PTPRN2: variants seen among roughly 807,000 people sequenced by gnomAD.
PTPRN2 encodes receptor-type tyrosine-protein phosphatase N2.
Under a neutral mutation model 118.8 loss-of-function variants are expected in PTPRN2, and 74 were observed. That is an observed-to-expected ratio of 0.62 (90% CI 0.52 to 0.76). PTPRN2 has a LOEUF of 0.76. PTPRN2 is among the 30% of genes least tolerant of loss of function. The pLI is 0.00. For synonymous variants in PTPRN2, 641 were observed against 608.0 expected (o/e 1.05, Z -0.80); for missense variants, 1,481 against 1,394.4 (o/e 1.06, Z -0.99).
rs192073401 is a variant in PTPRN2 at position 158,446,357 on chromosome 7, C to T, written c.163+43378G>A. Among the ~76,000 whole-genome samples the T allele has an allele frequency of 1.2e-4, 18 of 152,354 alleles. No individual in the cohort carries two copies. The East Asian group carries it at 3.5e-3, about 29-fold the overall frequency. On this transcript the variant is annotated intron_variant, in intron 2 of 22. Transcript: ENST00000389418. ...ATATTTTAATGTGGAAATTCCCAGG[C>T]CAGTATGAGGTGTTGCTGTGGTCGG...
intron 4 of PTPRN2, among the ~76,000 whole-genome samples, chr7:158,196,463 G>T (rs1826219522): frequency 6.6e-6 from 1 of 152,182 alleles, no homozygotes; most frequent in South Asian, 2.1e-4. Context: ...ATCTAGGGAG[G>T]TCTGCATCCC....
intron 11 of PTPRN2, among the ~76,000 whole-genome samples, chr7:157,965,237 T>G (rs1024065881): frequency 6.6e-6 from 1 of 152,210 alleles, no homozygotes; most frequent in Non-Finnish European, 1.5e-5. Flanking sequence ...TTCATCAATT[T>G]CAAGACGAAC....
intron 2 of PTPRN2, among the ~76,000 whole-genome samples, chr7:158,337,322 C>T (rs75384836): frequency 8.0e-6 from 1 of 125,298 alleles, no homozygotes; most frequent in South Asian, 2.6e-4. Flanking sequence ...ATCATTCACA[C>T]CCACACTGTC....
chr7:158,443,657 C>A (rs985233886), intron 2 of PTPRN2, among the ~76,000 whole-genome samples: 4 of 152,156 alleles, frequency 2.6e-5, no homozygotes, highest in African/African-American at 9.7e-5. Flanking sequence ...GCCAAGCGTG[C>A]GAGCTGCTTG....
intron 11 of PTPRN2, among the ~76,000 whole-genome samples, chr7:157,985,333 A>G (rs1361324127): frequency 6.6e-6 from 1 of 152,180 alleles, no homozygotes; most frequent in East Asian, 1.9e-4. Context: ...CCATCTTGCG[A>G]GTTTAGCATA....
intron 2 of PTPRN2, among the ~76,000 whole-genome samples, chr7:158,321,234 C>A (rs1416287760): frequency 2.0e-5 from 3 of 152,150 alleles, no homozygotes; most frequent in Non-Finnish European, 4.4e-5. Flanking sequence ...CGGGAAGTGG[C>A]ACACTGAAGT....
At position 158,587,541 on chromosome 7, in the gene PTPRN2, C is replaced by G; in HGVS notation, c.112+17G>C. The G allele has an allele frequency of 1.6e-6, 2 of 1,263,794 alleles. No individual in the cohort carries two copies. The highest frequency in any genetic ancestry group is 3.1e-5 in the East Asian group (1 of 31,760). 78.3% of individuals were successfully genotyped at this position (1,263,794 alleles called of 1,614,324 possible). A position where few individuals can be genotyped will look rare whatever the true frequency, so the allele number is the denominator to read the frequency against. ...CTAATTCATTGAGGCGCCCCTCCCC[C>G]GGCGCCCCCCACTCACCCAGACGCC... On this transcript the variant is annotated intron_variant, in intron 1 of 22. Transcript: ENST00000389418.
intron 12 of PTPRN2, among the ~76,000 whole-genome samples, chr7:157,703,378 G>A: frequency 6.6e-6 from 1 of 152,224 alleles, no homozygotes; most frequent in Admixed American, 6.5e-5. Context: ...ACAGCACAGA[G>A]GGCCTGGGGC....
chr7:157,649,120 A>G (rs1286728328), intron 14 of PTPRN2, among the ~76,000 whole-genome samples: 6 of 126,274 alleles, frequency 4.8e-5, no homozygotes, highest in Admixed American at 7.9e-5. Flanking sequence ...GGACCCATTC[A>G]CTGTGCACTG....
chr7:157,739,859 G>A (rs1161789150), intron 12 of PTPRN2, among the ~76,000 whole-genome samples: 5 of 152,214 alleles, frequency 3.3e-5, no homozygotes, highest in Non-Finnish European at 5.9e-5. Flanking sequence ...CTCCTGGGCC[G>A]CTCATTCCAC....
At chr7:158,440,738 C>T (rs1276754815) in intron 2 of PTPRN2, among the ~76,000 whole-genome samples, 2 of 122,952 alleles carry the variant, frequency 1.6e-5, no homozygotes, top group South Asian at 5.5e-4. Context: ...GTGATGATGA[C>T]AGTGGTGGTG....
intron 9 of PTPRN2, among the ~76,000 whole-genome samples, chr7:158,128,877 C>T (rs937486873): frequency 2.4e-4 from 36 of 152,170 alleles, no homozygotes; most frequent in African/African-American, 8.2e-4. Flanking sequence ...ACAGTGTCCA[C>T]GAACACAACA....
intron 17 of PTPRN2, among the ~76,000 whole-genome samples, chr7:157,594,510 G>A (rs1048030103): frequency 6.6e-6 from 1 of 152,206 alleles, no homozygotes; most frequent in Non-Finnish European, 1.5e-5. Context: ...GTGACGCGTC[G>A]CTTCCCACCT....
In PTPRN2 at chr7:158,586,911, C is replaced by T. The variant is rs1032062811; in HGVS notation, c.112+647G>A. Among the ~76,000 whole-genome samples the T allele has an allele frequency of 3.3e-5, 5 of 151,970 alleles. No homozygotes were observed. In the East Asian group the frequency reaches 9.8e-4, roughly 30 times the overall value. On this transcript the variant is annotated intron_variant, in intron 1 of 22. Transcript: ENST00000389418. The stretch of plus-strand genomic sequence containing the variant: ...CAGGGGAGTGCCGAGTGGCGGGGCT[C>T]GGGGCGTGAGGCCCAGGAGCCGGGG...
chr7:157,834,329 C>T (rs1449411173), intron 12 of PTPRN2, among the ~76,000 whole-genome samples: 1 of 126,070 alleles, frequency 7.9e-6, no homozygotes, highest in Non-Finnish European at 1.6e-5. Flanking sequence ...GCCAGCAGCA[C>T]TCCCTGTGAT....
chr7:157,701,767 T>A, intron 12 of PTPRN2, among the ~76,000 whole-genome samples: 1 of 152,168 alleles, frequency 6.6e-6, no homozygotes, highest in East Asian at 1.9e-4. Context: ...CTGGTGTAAC[T>A]GACACGGGCT....
In PTPRN2 at chr7:158,059,170, A is replaced by C. The variant is rs867416787; in HGVS notation, c.1723+22128T>G. 3.9e-3 allele frequency among the ~76,000 whole-genome samples: 275 copies of C among 71,344 alleles called. 2 individuals are homozygous for C. The highest frequency in any genetic ancestry group is 7.0e-3 in the Admixed American group (52 of 7,388). 46.8% of individuals were successfully genotyped at this position (71,344 alleles called of 152,430 possible). On this transcript the variant is annotated intron_variant, in intron 11 of 22. Transcript: ENST00000389418. ...ATCACTGCAGCCACACTCCATCTGC[A>C]CACGGTGACACATCACTGCAGCCAC...
intron 12 of PTPRN2, among the ~76,000 whole-genome samples, chr7:157,848,203 C>T (rs1320459170): frequency 6.9e-6 from 1 of 145,834 alleles, no homozygotes; most frequent in Non-Finnish European, 1.5e-5. Flanking sequence ...CTCTCTCACT[C>T]CCTCATGGGT....
At chr7:158,355,508 G>A (rs1054779764) in intron 2 of PTPRN2, among the ~76,000 whole-genome samples, 9 of 152,210 alleles carry the variant, frequency 5.9e-5, no homozygotes, top group African/African-American at 2.2e-4. Flanking sequence ...GAGAACTGAG[G>A]AAATGCAACT....
Sources: allele counts gnomAD v4.1 joint callset (sites outside exome capture counted in the v4.1 genomes callset), GRCh38; gene constraint gnomAD v4.1.1; transcripts MANE v1.5; gene names NCBI Gene and HGNC (gene_info 2026-07-23, HGNC 2026-07-21).